The following BNC2 variants were observed in gnomAD, a reference collection of about 807,000 sequenced individuals.
BNC2 encodes the protein zinc finger protein basonuclin-2.
BNC2 carries 20 observed loss-of-function variants against 76.3 expected under a neutral mutation model. The observed-to-expected ratio is 0.26, with a 90% CI of 0.18 to 0.38. The LOEUF (loss-of-function observed/expected upper bound fraction) is 0.38, where lower values mean the gene tolerates loss of function less well. BNC2 is among the 10% of genes least tolerant of loss of function. The pLI is 1.00. For synonymous variants in BNC2, 582 were observed against 514.8 expected (o/e 1.13, Z -1.77); for missense variants, 1,382 against 1,399.8 (o/e 0.99, Z 0.20).
intron 1 of BNC2, among the ~76,000 whole-genome samples, chr9:16,846,583 G>A (rs1048123135): frequency 6.6e-6 from 1 of 152,160 alleles, no homozygotes; most frequent in East Asian, 1.9e-4. Context: ...AAGACTGGTA[G>A]GGTTTCTCTT....
intron 1 of BNC2, among the ~76,000 whole-genome samples, chr9:16,741,348 G>C (rs1367644317): frequency 1.3e-5 from 2 of 152,016 alleles, no homozygotes; most frequent in Admixed American, 6.6e-5. Context: ...AACTACTCAG[G>C]AGGCTGAGGC....
intron 5 of BNC2, among the ~76,000 whole-genome samples, chr9:16,513,124 T>C (rs887346305): frequency 6.6e-6 from 1 of 152,000 alleles, no homozygotes; most frequent in Non-Finnish European, 1.5e-5. Flanking sequence ...AATGAGACTC[T>C]GTCTCAAATG....
intron 3 of BNC2, among the ~76,000 whole-genome samples, chr9:16,723,492 C>CA (rs541498299): frequency 0.018 from 714 of 40,444 alleles, 2 homozygotes; most frequent in African/African-American, 0.045. Context: ...AATAAATACT[C>CA]AAAAAAATTG....
intron 1 of BNC2, among the ~76,000 whole-genome samples, chr9:16,861,908 G>C (rs1819419923): frequency 6.6e-6 from 1 of 151,928 alleles, no homozygotes; most frequent in South Asian, 2.1e-4. Context: ...AGAATGGCGT[G>C]AACCTGGGAG....
intron 5 of BNC2, among the ~76,000 whole-genome samples, chr9:16,505,125 GATAAATGAGATAAAATGT>G (rs1044222277): frequency 3.9e-5 from 6 of 152,252 alleles, no homozygotes; most frequent in South Asian, 4.2e-4. Flanking sequence ...CTTCTGGGAA[GATAAATGAGATAAAATGT>G]ATAAATGAGA....
At chr9:16,705,404 C>T (rs1010573842) in intron 3 of BNC2, among the ~76,000 whole-genome samples, 7 of 152,152 alleles carry the variant, frequency 4.6e-5, no homozygotes, top group Admixed American at 3.3e-4. Context: ...CCTCTGCTTC[C>T]TCAGCCTTAT....
At chr9:16,660,249 G>T (rs1822070998) in intron 3 of BNC2, among the ~76,000 whole-genome samples, 1 of 152,182 alleles carries the variant, frequency 6.6e-6, no homozygotes, top group Non-Finnish European at 1.5e-5. Flanking sequence ...GAGGTTGGCA[G>T]TTCAAGACCA....
intron 1 of BNC2, among the ~76,000 whole-genome samples, chr9:16,812,006 T>C (rs1335644066): frequency 1.3e-5 from 2 of 152,260 alleles, no homozygotes; most frequent in Non-Finnish European, 2.9e-5. Flanking sequence ...GAAAGAGCTC[T>C]GCCTGCCCAC....
intron 5 of BNC2, among the ~76,000 whole-genome samples, chr9:16,510,414 T>TA (rs1233069223): frequency 6.6e-5 from 10 of 152,124 alleles, no homozygotes; most frequent in Admixed American, 5.9e-4. Context: ...GTAATAAAAT[T>TA]AGGATATAAA....
chr9:16,723,939 A>G (rs1403380123), intron 3 of BNC2, among the ~76,000 whole-genome samples: 1 of 152,088 alleles, frequency 6.6e-6, no homozygotes, highest in Non-Finnish European at 1.5e-5. Context: ...AATGTCAGAC[A>G]GTTGTTCTTT....
In BNC2 at chr9:16,414,110, C is replaced by G. The variant is rs1820533898; in HGVS notation, c.*4879G>C. 6.6e-6 allele frequency: 1 copy of G among 152,240 alleles called. No individual in the cohort carries two copies. Among genetic ancestry groups the G allele is most frequent in the South Asian group, 2.1e-4 (1 of 4,814 alleles). The allele number at this position is 152,240 out of a possible 1,614,324, so 9.4% of individuals were successfully genotyped here. A position where few individuals can be genotyped will look rare whatever the true frequency, so the allele number is the denominator to read the frequency against. ...CACAATTGTCGGCTCTTCCTGACCCCAAAGGAACTTCAGCTATTTCATGCA... is the reference window on the plus strand; with the variant it reads ...CACAATTGTCGGCTCTTCCTGACCCGAAAGGAACTTCAGCTATTTCATGCA... On this transcript the variant is annotated 3_prime_UTR_variant, in exon 7 of 7. Coordinates refer to ENST00000380672, the MANE Select transcript of BNC2 (RefSeq NM_017637.6).
At chr9:16,577,693 G>A (rs1295634611) in intron 4 of BNC2, among the ~76,000 whole-genome samples, 5 of 151,936 alleles carry the variant, frequency 3.3e-5, no homozygotes, top group Admixed American at 1.3e-4. Context: ...TCTTTTCCTC[G>A]AATGAAATGC....
At chr9:16,712,561 C>T (rs1024138947) in intron 3 of BNC2, among the ~76,000 whole-genome samples, 4 of 152,104 alleles carry the variant, frequency 2.6e-5, no homozygotes, top group African/African-American at 4.8e-5. Context: ...AACTGAAACA[C>T]TAAAAGATGA....
Position 16,691,160 on chromosome 9 carries a change from T to C in BNC2, c.330+36637A>G, listed in dbSNP as rs1434897369. Among the ~76,000 whole-genome samples, 3 of 152,310 alleles carry C rather than the reference T, an allele frequency of 2.0e-5. No homozygotes were observed. In the East Asian group the frequency reaches 5.8e-4, roughly 29 times the overall value. On this transcript the variant is annotated intron_variant, in intron 3 of 6. Transcript: ENST00000380672. Reference sequence around the variant, plus strand: ...GACCACGAATAATGCTAAAATTACATAGAATCTTTCTTCCAGAGTGCTCAA... The same window carrying C: ...GACCACGAATAATGCTAAAATTACACAGAATCTTTCTTCCAGAGTGCTCAA...
chr9:16,629,571 T>C (rs1821100166), intron 3 of BNC2, among the ~76,000 whole-genome samples: 1 of 152,016 alleles, frequency 6.6e-6, no homozygotes, highest in African/African-American at 2.4e-5. Flanking sequence ...GCACCAACAG[T>C]AGTGGGGAAA....
At chr9:16,508,648 T>C (rs2131882193) in intron 5 of BNC2, among the ~76,000 whole-genome samples, 1 of 152,276 alleles carries the variant, frequency 6.6e-6, no homozygotes, top group African/African-American at 2.4e-5. Context: ...TTCTTATTGG[T>C]TCTTGGCTCT....
chr9:16,539,389 G>A (rs888758294), intron 5 of BNC2, among the ~76,000 whole-genome samples: 3 of 151,492 alleles, frequency 2.0e-5, no homozygotes, highest in African/African-American at 7.3e-5. Flanking sequence ...ATAGCCAGGT[G>A]TGGTGGCACA....
chr9:16,624,244 C>T (rs1206983918), intron 3 of BNC2, among the ~76,000 whole-genome samples: 6 of 152,102 alleles, frequency 3.9e-5, no homozygotes, highest in Admixed American at 3.9e-4. Context: ...TGCATGTGGA[C>T]TCATACCACA....
intron 5 of BNC2, among the ~76,000 whole-genome samples, chr9:16,472,472 C>A (rs770897323): frequency 6.6e-6 from 1 of 152,190 alleles, no homozygotes; most frequent in African/African-American, 2.4e-5. Flanking sequence ...TATATACCTA[C>A]TCTCCTCTAC....
Sources: allele counts gnomAD v4.1 joint callset (sites outside exome capture counted in the v4.1 genomes callset), GRCh38; gene constraint gnomAD v4.1.1; transcripts MANE v1.5; gene names NCBI Gene and HGNC (gene_info 2026-07-23, HGNC 2026-07-21).